Variants in CDK5RAP3 observed in about 807,000 individuals in gnomAD.
CDK5RAP3 encodes the protein CDK5 regulatory subunit associated protein 3.
CDK5RAP3 carries 58 observed loss-of-function variants against 73.3 expected under a neutral mutation model. That is an observed-to-expected ratio of 0.79 (90% CI 0.64 to 0.98). The LOEUF is 0.98. Ranked by LOEUF, CDK5RAP3 falls within the 50% of genes least tolerant of loss-of-function variation. The probability of loss-of-function intolerance (pLI) is 0.00; values close to 1 mark genes in which losing one functional copy is unlikely to be tolerated. For missense variants in CDK5RAP3, 525 were observed against 615.8 expected (o/e 0.85, Z 1.56); for synonymous variants, 224 against 247.5 (o/e 0.91, Z 0.89).
At chr17:47,968,326 A>T (rs1212260589), upstream of CDK5RAP3, among the ~76,000 whole-genome samples, 1 of 152,016 alleles carries the variant, frequency 6.6e-6, no homozygotes, top group Non-Finnish European at 1.5e-5. Context: ...ACATATATAT[A>T]TATTTTGAGA....
chr17:47,978,727 G>A, intron 10 of CDK5RAP3, 102 bp from the exon 11 acceptor site: 1 of 872,980 alleles, frequency 1.1e-6, no homozygotes, highest in African/African-American at 1.7e-5. Flanking sequence ...CTTTAGCACA[G>A]TGAGTCTGTC....
At chr17:47,968,225 A>T (rs2036209533), upstream of CDK5RAP3, among the ~76,000 whole-genome samples, 1 of 152,136 alleles carries the variant, frequency 6.6e-6, no homozygotes, top group Non-Finnish European at 1.5e-5. Flanking sequence ...AATTCCCATG[A>T]AAGATCCCTG....
chr17:47,968,743 C>G (rs2036213717), upstream of CDK5RAP3, among the ~76,000 whole-genome samples: 1 of 152,198 alleles, frequency 6.6e-6, no homozygotes, highest in Admixed American at 6.5e-5. Flanking sequence ...GTCTCAAACT[C>G]CTGACCTCGT....
chr17:47,971,462 C>A, intron 2 of CDK5RAP3, 55 bp downstream of exon 2: 1 of 1,492,270 alleles, frequency 6.7e-7, no homozygotes, highest in Admixed American at 2.2e-5. Flanking sequence ...TGTGCGTTGC[C>A]CCCTGTGTCC....
intron 10 of CDK5RAP3, 139 bp from the exon 11 acceptor site, chr17:47,978,690 T>TC (rs2036480851): frequency 1.6e-6 from 1 of 638,954 alleles, no homozygotes; most frequent in South Asian, 1.9e-5. Flanking sequence ...AAGGTAGCCT[T>TC]CCCCCTTGGA....
At position 47,975,897 on chromosome 17, in the gene CDK5RAP3, C is replaced by T. The variant is rs61753863; in HGVS notation, c.682C>T (p.Arg228Trp). 1.4e-3 allele frequency: 2,221 copies of T among 1,614,174 alleles called. 31 individuals carry two copies. The African/African-American group carries it at 0.026, about 19-fold the overall frequency. Residue 228 changes from arginine (R) to tryptophan (W), a missense_variant, in exon 8 of 14, where the codon CGG becomes TGG. Coordinates refer to ENST00000338399, the MANE Select transcript of CDK5RAP3 (RefSeq NM_176096.3). ...CACAGAGCAGGTGTTGCCAATGCTG[C>T]GGTTCGTGCAGAAGCGGGGAAACTC... ...SPTEQVLPMLRFVQKRGNSTV... is the reference protein window; with the variant it reads ...SPTEQVLPMLWFVQKRGNSTV...
chr17:47,977,658 C>T (rs1434692231), intron 9 of CDK5RAP3, among the ~76,000 whole-genome samples, 174 bp from the exon 10 acceptor site: 2 of 152,144 alleles, frequency 1.3e-5, no homozygotes, highest in Admixed American at 1.3e-4. Context: ...GGGAACACTA[C>T]AGAGCAGGGA....
chr17:47,976,681 C>G, intron 8 of CDK5RAP3, 31 bp from the exon 9 acceptor site: 1 of 1,476,810 alleles, frequency 6.8e-7, no homozygotes, highest in Non-Finnish European at 9.5e-7. Context: ...AATCCATCTT[C>G]CATGAGCTAA....
intron 2 of CDK5RAP3, among the ~76,000 whole-genome samples, chr17:47,973,261 A>G (rs181868097): frequency 3.9e-4 from 59 of 152,332 alleles, no homozygotes; most frequent in African/African-American, 1.1e-3. Flanking sequence ...TTCAGGACCA[A>G]TTTAAACTTT....
rs748860350 is a variant in CDK5RAP3, at chr17:47,976,799, A to G, written c.886A>G (p.Ile296Val). The change falls in exon 9 of 14, where the codon ATC (isoleucine) becomes GTC (valine). Residue 296 changes from isoleucine to valine, a missense_variant. By Grantham distance (29) the Ile-to-Val change is conservative. Around this residue, in one of 2 missense-constraint regions of CDK5RAP3, gnomAD observed 409 missense variants for 429.8 expected, o/e 0.95. Transcript: ENST00000338399. ...SAEAAGIDWG[I>V]FPESDSKDPG... ...CGAGGCTGCTGGAATCGACTGGGGC[A>G]TCTTCCCGGAATCAGATTCAAAGGT... The G allele has an allele frequency of 2.5e-6, 4 of 1,609,786 alleles. No homozygotes were observed. In the Admixed American group the frequency reaches 5.0e-5, roughly 20 times the overall value.
chr17:47,980,947 G>A (rs543298884), intron 12 of CDK5RAP3, 149 bp downstream of exon 12: 10 of 915,306 alleles, frequency 1.1e-5, no homozygotes, highest in South Asian at 5.0e-5. Context: ...TGGGACAAGA[G>A]GGGGAGGTTT....
chr17:47,974,346 A>T (rs1031507239), intron 4 of CDK5RAP3, 54 bp from the exon 5 acceptor site: 8 of 1,437,752 alleles, frequency 5.6e-6, no homozygotes, highest in Non-Finnish European at 7.9e-6. Flanking sequence ...TTGAGCTGGG[A>T]TGTGGCTGTC....
chr17:47,974,280 A>G, intron 4 of CDK5RAP3, 120 bp from the exon 5 acceptor site: 1 of 927,760 alleles, frequency 1.1e-6, no homozygotes, highest in Non-Finnish European at 1.8e-6. Flanking sequence ...AAAGAAGGAC[A>G]AGGAGTTTGT....
chr17:47,970,875 C>A (rs1226824794), upstream of CDK5RAP3: 1 of 1,413,356 alleles, frequency 7.1e-7, no homozygotes, highest in African/African-American at 1.4e-5. Context: ...CTGCAGCGCA[C>A]CCCCTCCCGT....
upstream of CDK5RAP3, chr17:47,970,973 G>T: frequency 6.8e-7 from 1 of 1,462,292 alleles, no homozygotes; most frequent in Non-Finnish European, 9.0e-7. Flanking sequence ...GCCTGGGGTG[G>T]GCGGGGCTTG....
upstream of CDK5RAP3, chr17:47,970,803 C>A: frequency 2.1e-6 from 3 of 1,437,044 alleles, no homozygotes; most frequent in South Asian, 2.5e-5. Flanking sequence ...ACCCAGTGCC[C>A]GCCAGGGGAA....
Position 47,973,932 on chromosome 17 carries a change from C to T in CDK5RAP3, c.186C>T (p.Tyr62=). The T allele has an allele frequency of 6.2e-7, 1 of 1,610,138 alleles. No individual in the cohort carries two copies. Among genetic ancestry groups the T allele is most frequent in the Non-Finnish European group, 8.5e-7 (1 of 1,176,296 alleles). The change falls in exon 4 of 14, where the codon TAC becomes TAT. Residue 62 remains tyrosine (Y), a splice_region_variant and synonymous_variant. Coordinates refer to ENST00000338399, the MANE Select transcript of CDK5RAP3 (RefSeq NM_176096.3). ...EEIAQLLSGS[Y]IHYFHCLRIL... ...GAAATCCCGTCTCTTGCTTTCTAGA[C>T]ATTCACTACTTTCACTGCCTAAGAA...
At chr17:47,973,823 C>T (rs1025102910) in intron 3 of CDK5RAP3, 108 bp from the exon 4 acceptor site, 19 of 1,192,210 alleles carry the variant, frequency 1.6e-5, no homozygotes, top group Non-Finnish European at 2.2e-5. Context: ...GGAAAAGCTA[C>T]ACACTAAAGT....
chr17:47,975,066 G>T lies in CDK5RAP3; in HGVS notation c.335-93G>T, dbSNP rs1336010488. On this transcript the variant is annotated intron_variant, in intron 5 of 13. Transcript: ENST00000338399. ...AGTGGGGCTGGGAAGCTGACTTCGT[G>T]CTCTTCACCACCACAAAGGATGTGT... 1.9e-6 allele frequency: 3 copies of T among 1,610,818 alleles called. No individual in the cohort carries two copies. The African/African-American group carries it at 4.0e-5, about 22-fold the overall frequency.
Sources: allele counts gnomAD v4.1 joint callset (sites outside exome capture counted in the v4.1 genomes callset), GRCh38; gene constraint gnomAD v4.1.1; regional missense constraint gnomAD v4.1.1; transcripts MANE v1.5; gene names NCBI Gene and HGNC (gene_info 2026-07-23, HGNC 2026-07-21).